LRFN5: variants seen among roughly 807,000 people sequenced by gnomAD.
The protein encoded by LRFN5 is leucine rich repeat and fibronectin type III domain containing 5.
LRFN5 carries 24 observed loss-of-function variants against 45.6 expected under a neutral mutation model. The observed-to-expected ratio is 0.53, with a 90% CI of 0.38 to 0.74. The LOEUF is 0.74. LRFN5 is among the 30% of genes least tolerant of loss of function. LRFN5 has a pLI of 0.00. For synonymous variants in LRFN5, 340 were observed against 313.8 expected (o/e 1.08, Z -0.88); for missense variants, 776 against 861.5 (o/e 0.90, Z 1.24).
chr14:41,768,505 C>T (rs1424230519), intron 2 of LRFN5, among the ~76,000 whole-genome samples: 2 of 151,962 alleles, frequency 1.3e-5, no homozygotes, highest in African/African-American at 4.8e-5. Context: ...TTAGGAATTG[C>T]TTTTGTTGCT....
At chr14:41,643,907 T>G (rs1304858148) in intron 1 of LRFN5, among the ~76,000 whole-genome samples, 1 of 152,170 alleles carries the variant, frequency 6.6e-6, no homozygotes, top group Non-Finnish European at 1.5e-5. Context: ...AGTCTCAAAG[T>G]GAATTCTTTA....
At chr14:41,826,203 T>A (rs1888288829) in intron 2 of LRFN5, among the ~76,000 whole-genome samples, 1 of 152,184 alleles carries the variant, frequency 6.6e-6, no homozygotes, top group African/African-American at 2.4e-5. Context: ...TCACACTAAC[T>A]CACTTATAGT....
At chr14:41,805,006 G>T (rs73319040) in intron 2 of LRFN5, among the ~76,000 whole-genome samples, 159 of 152,066 alleles carry the variant, frequency 1.0e-3, no homozygotes, top group African/African-American at 3.7e-3. Flanking sequence ...GATGGTAATG[G>T]TTTTACTGCA....
At chr14:41,646,081 CATATCCGTCATCTCAA>C (rs1487434034) in intron 1 of LRFN5, among the ~76,000 whole-genome samples, 1 of 152,062 alleles carries the variant, frequency 6.6e-6, no homozygotes, top group African/African-American at 2.4e-5. Context: ...GAGTAAGTAG[CATATCCGTCATCTCAA>C]ATATCATTTC....
chr14:41,777,555 G>A (rs1011385373), intron 2 of LRFN5, among the ~76,000 whole-genome samples: 2 of 151,636 alleles, frequency 1.3e-5, no homozygotes, highest in East Asian at 1.9e-4. Context: ...TTGTTATTCC[G>A]ATTACATGTT....
At chr14:41,776,051 T>C (rs1306979014) in intron 2 of LRFN5, among the ~76,000 whole-genome samples, 1 of 152,214 alleles carries the variant, frequency 6.6e-6, no homozygotes, top group Admixed American at 6.5e-5. Context: ...CACTAAGTAG[T>C]GATTCCAGCA....
At chr14:41,645,812 T>C (rs1213850268) in intron 1 of LRFN5, among the ~76,000 whole-genome samples, 5 of 152,228 alleles carry the variant, frequency 3.3e-5, no homozygotes, top group Admixed American at 2.0e-4. Flanking sequence ...TCACATACTC[T>C]TCTGTGTAAT....
chr14:41,720,461 G>A (rs988932625), intron 1 of LRFN5, among the ~76,000 whole-genome samples: 4 of 152,016 alleles, frequency 2.6e-5, no homozygotes, highest in South Asian at 2.1e-4. Context: ...CCAGTAATGC[G>A]ATTGCTAGGT....
intron 5 of LRFN5, among the ~76,000 whole-genome samples, chr14:41,899,957 T>G (rs915109870): frequency 6.6e-6 from 1 of 152,146 alleles, no homozygotes; most frequent in African/African-American, 2.4e-5. Context: ...TGAATTGACC[T>G]GCATGAAGGT....
chr14:41,741,115 A>T (rs1286451770), intron 1 of LRFN5, among the ~76,000 whole-genome samples: 1 of 151,694 alleles, frequency 6.6e-6, no homozygotes, highest in Non-Finnish European at 1.5e-5. Context: ...AGGTTGAAAA[A>T]TTTACTATTT....
chr14:41,668,247 T>A (rs950617577), intron 1 of LRFN5, among the ~76,000 whole-genome samples: 2 of 152,190 alleles, frequency 1.3e-5, no homozygotes, highest in Non-Finnish European at 2.9e-5. Context: ...ACTCTTCACA[T>A]TTATTATGTG....
intron 2 of LRFN5, among the ~76,000 whole-genome samples, chr14:41,803,784 T>C (rs1413552574): frequency 6.6e-6 from 1 of 152,168 alleles, no homozygotes; most frequent in Non-Finnish European, 1.5e-5. Context: ...ATAGAGCTGA[T>C]TTATCAAGAC....
At chr14:41,772,984 G>A (rs1283295030) in intron 2 of LRFN5, among the ~76,000 whole-genome samples, 1 of 152,066 alleles carries the variant, frequency 6.6e-6, no homozygotes, top group Non-Finnish European at 1.5e-5. Flanking sequence ...ACAATACCCA[G>A]CGATGTATCT....
intron 1 of LRFN5, among the ~76,000 whole-genome samples, chr14:41,758,784 A>C (rs1435283055): frequency 6.6e-6 from 1 of 152,074 alleles, no homozygotes; most frequent in Non-Finnish European, 1.5e-5. Context: ...TCATAGTTTA[A>C]CTTTGTTTCC....
chr14:41,871,742 C>T (rs570334209), intron 2 of LRFN5, among the ~76,000 whole-genome samples: 6 of 152,218 alleles, frequency 3.9e-5, no homozygotes, highest in African/African-American at 1.4e-4. Context: ...CTCTCCCACC[C>T]TGATTTAAAC....
chr14:41,781,574 AAG>A (rs1491028215), intron 2 of LRFN5, among the ~76,000 whole-genome samples: 34 of 89,002 alleles, frequency 3.8e-4, no homozygotes, highest in African/African-American at 1.9e-3. Flanking sequence ...GAAAGAAAGA[AAG>A]AAAGAAAGAA....
chr14:41,657,940 A>C lies in LRFN5; in HGVS notation c.-197+49378A>C, dbSNP rs1022531552. On this transcript the variant is annotated intron_variant, in intron 1 of 5. Coordinates refer to ENST00000298119, the MANE Select transcript of LRFN5 (RefSeq NM_152447.5). ...GCTTGGGAGAAAAAGAAAAAAAAAAAACCTCTGACCTATGTCAACATTTTT... is the reference window on the plus strand; with the variant it reads ...GCTTGGGAGAAAAAGAAAAAAAAAACACCTCTGACCTATGTCAACATTTTT... Among the ~76,000 whole-genome samples, 8 of 151,874 alleles carry C rather than the reference A, an allele frequency of 5.3e-5. No homozygotes were observed. The East Asian group carries it at 1.2e-3, about 22-fold the overall frequency.
intron 2 of LRFN5, among the ~76,000 whole-genome samples, chr14:41,840,428 G>A (rs1041272844): frequency 6.6e-6 from 1 of 152,062 alleles, no homozygotes; most frequent in Non-Finnish European, 1.5e-5. Flanking sequence ...AGGCAACAGT[G>A]CCATGGAATG....
rs560107063 is a variant in LRFN5 at position 41,765,146 on chromosome 14, C to T, written c.-196-1708C>T. ...CACGAGGTCAGGAGATCGAGACCAT[C>T]CTGGCTAACACAGTGAAACCCCGTC... On this transcript the variant is annotated intron_variant, in intron 1 of 5. Transcript: ENST00000298119. Among the ~76,000 whole-genome samples the T allele has an allele frequency of 2.5e-3, 377 of 152,000 alleles. 3 individuals carry two copies. Among genetic ancestry groups the T allele is most frequent in the African/African-American group, 8.8e-3 (365 of 41,478 alleles).
Sources: allele counts gnomAD v4.1 joint callset (sites outside exome capture counted in the v4.1 genomes callset), GRCh38; gene constraint gnomAD v4.1.1; transcripts MANE v1.5; gene names NCBI Gene and HGNC (gene_info 2026-07-23, HGNC 2026-07-21).